Variants in PHF12 observed in about 807,000 individuals in gnomAD.
PHF12 encodes PHD factor 1.
PHF12 carries 6 observed loss-of-function variants against 99.8 expected under a neutral mutation model. The observed-to-expected ratio is 0.06, with a 90% CI of 0.03 to 0.12. The LOEUF is 0.12. Ranked by LOEUF, PHF12 falls within the 10% of genes least tolerant of loss-of-function variation. The pLI, the probability that PHF12 is intolerant of heterozygous loss-of-function variation, is 1.00. For missense variants in PHF12, 954 were observed against 1,300.1 expected, an observed-to-expected ratio of 0.73 and a Z score of 4.09; for synonymous variants, 480 against 514.9, an observed-to-expected ratio of 0.93 and a Z score of 0.92.
chr17:28,949,034 C>G lies in PHF12; in HGVS notation c.248+1031G>C, dbSNP rs973418192. Among the ~76,000 whole-genome samples the G allele has an allele frequency of 1.3e-5, 2 of 152,082 alleles. No individual in the cohort carries two copies. The highest frequency in any genetic ancestry group is 6.5e-5 in the Admixed American group (1 of 15,272). ...TGGGCTGAGCCGCTGAGGAGGATCA[C>G]GCAGCGGGCGATCAACTCAGGTCCC... On this transcript the variant is annotated intron_variant, in intron 2 of 14. Coordinates refer to ENST00000332830, the MANE Select transcript of PHF12 (RefSeq NM_001033561.2). The surrounding 1 kb of genome is among the most constrained non-coding windows in gnomAD (Gnocchi z 4.6).
At chr17:28,942,516 C>T (rs2040636621) in intron 2 of PHF12, among the ~76,000 whole-genome samples, 2 of 151,916 alleles carry the variant, frequency 1.3e-5, no homozygotes, top group South Asian at 2.1e-4. Context: ...CAAGACTCTG[C>T]CTCTAAAAAT....
In PHF12 at chr17:28,905,517, A is replaced by G. The variant is rs2039857576; in HGVS notation, c.*666T>C. On this transcript the variant is annotated 3_prime_UTR_variant, in exon 15 of 15. Coordinates refer to ENST00000332830, the MANE Select transcript of PHF12 (RefSeq NM_001033561.2). ...TACACGGTTTTTAAAAACATTGAAA[A>G]AATGTCATCACTAGATGTATTTACA... is the stretch of plus-strand genomic sequence containing the variant. 6.6e-6 allele frequency: 1 copy of G among 152,586 alleles called. No homozygotes were observed. Among genetic ancestry groups the G allele is most frequent in the South Asian group, 2.1e-4 (1 of 4,838 alleles). The allele number at this position is 152,586 out of a possible 1,614,324, so 9.5% of individuals were successfully genotyped here.
At chr17:28,907,536 TG>T in intron 13 of PHF12, 53 bp downstream of exon 13, 1 of 1,571,898 alleles carries the variant, frequency 6.4e-7, no homozygotes, top group Non-Finnish European at 8.7e-7. Context: ...ACCTACTGCC[TG>T]GGAGAGGCCT....
intron 2 of PHF12, among the ~76,000 whole-genome samples, chr17:28,941,705 G>A (rs2040619766): frequency 6.6e-6 from 1 of 152,072 alleles, no homozygotes; most frequent in African/African-American, 2.4e-5. Context: ...CCGGGTTCAA[G>A]CGATTCTCCT....
chr17:28,916,004 T>G (rs1209003310), intron 7 of PHF12, among the ~76,000 whole-genome samples: 1 of 152,240 alleles, frequency 6.6e-6, no homozygotes, highest in Non-Finnish European at 1.5e-5. Context: ...TGGATTACTT[T>G]TAGATCTGTT....
At chr17:28,923,674 A>AAAAAAAAAAAAAAAAAAC (rs1378498022) in intron 4 of PHF12, among the ~76,000 whole-genome samples, 1 of 148,326 alleles carries the variant, frequency 6.7e-6, no homozygotes, top group Non-Finnish European at 1.5e-5. Flanking sequence ...AAAAAAAAAA[A>AAAAAAAAAAAAAAAAAAC]AGGAAAAAGA....
At chr17:28,911,349 T>C in intron 9 of PHF12, 112 bp from the exon 10 acceptor site, 6 of 1,435,380 alleles carry the variant, frequency 4.2e-6, no homozygotes, top group Non-Finnish European at 5.7e-6. Context: ...TGTTCCCTTC[T>C]TGATTCTCAA....
chr17:28,916,104 T>A (rs1022770869), intron 7 of PHF12, among the ~76,000 whole-genome samples: 7 of 152,262 alleles, frequency 4.6e-5, no homozygotes, highest in African/African-American at 1.7e-4. Flanking sequence ...CACTGATGTA[T>A]AAATATTTGC....
At chr17:28,939,895 CAG>C (rs1482308522) in intron 2 of PHF12, among the ~76,000 whole-genome samples, 6 of 152,178 alleles carry the variant, frequency 3.9e-5, no homozygotes, top group East Asian at 1.9e-4. Context: ...TCAAACCCTG[CAG>C]AGAGTCCTCT....
At position 28,951,325 on chromosome 17, in the gene PHF12, T is replaced by C. The variant is rs1422274030; in HGVS notation, c.-365A>G. On this transcript the variant is annotated 5_prime_UTR_variant, in exon 1 of 15. Transcript: ENST00000332830. ...CGCTGCCATCCCGGGGCTGGGGGTATCGGAGGGGGGGTGAGAGGTTACGTG... is the reference window on the plus strand; with the variant it reads ...CGCTGCCATCCCGGGGCTGGGGGTACCGGAGGGGGGGTGAGAGGTTACGTG... 6.8e-5 allele frequency: 72 copies of C among 1,052,806 alleles called. No individual in the cohort carries two copies. Among genetic ancestry groups the C allele is most frequent in the Non-Finnish European group, 8.0e-5 (70 of 871,220 alleles). The allele number at this position is 1,052,806 out of a possible 1,614,324, so 65.2% of individuals were successfully genotyped here. A position where few individuals can be genotyped will look rare whatever the true frequency, so the allele number is the denominator to read the frequency against.
At chr17:28,914,490 G>A (rs972484734) in intron 7 of PHF12, among the ~76,000 whole-genome samples, 4 of 151,906 alleles carry the variant, frequency 2.6e-5, no homozygotes, top group Admixed American at 6.6e-5. Flanking sequence ...GGCTAACATG[G>A]TGAAACCCCA....
Position 28,906,334 on chromosome 17 carries a change from A to G in PHF12, c.2864T>C (p.Leu955Pro). ...ALLHHGSYIK[L>P]GCLQFVFSIT... The stretch of plus-strand genomic sequence containing the variant: ...GCTGAAGACAAACTGCAGGCAGCCC[A>G]GCTTGATGTAGCTGCCATGGTGCAG... The change falls in exon 15 of 15, where the codon CTG becomes CCG. Residue 955 changes from leucine (L) to proline (P), a missense_variant. Coordinates refer to ENST00000332830, the MANE Select transcript of PHF12 (RefSeq NM_001033561.2). This position sits in a 1 kb window ranked among gnomAD's most constrained non-coding sequence, Gnocchi z 4.2. The G allele has an allele frequency of 6.2e-7, 1 of 1,614,214 alleles. No homozygotes were observed.
chr17:28,937,992 G>C (rs751043675), intron 2 of PHF12, among the ~76,000 whole-genome samples: 5 of 152,168 alleles, frequency 3.3e-5, no homozygotes, highest in Non-Finnish European at 7.3e-5. Context: ...ACCAACAACT[G>C]CCAACTCTGT....
intron 7 of PHF12, among the ~76,000 whole-genome samples, chr17:28,916,920 C>A (rs920214889): frequency 6.6e-6 from 1 of 152,228 alleles, no homozygotes; most frequent in Admixed American, 6.5e-5. Context: ...TCTGCTTAAT[C>A]ATCCCCACCT....
At chr17:28,937,073 A>C (rs1373694527) in intron 2 of PHF12, among the ~76,000 whole-genome samples, 1 of 152,214 alleles carries the variant, frequency 6.6e-6, no homozygotes, top group Non-Finnish European at 1.5e-5. Context: ...GCCTTTTATA[A>C]ACGAAAACAA....
chr17:28,912,158 T>G, intron 9 of PHF12: 1 of 1,148,894 alleles, frequency 8.7e-7, no homozygotes, highest in Non-Finnish European at 1.1e-6. Context: ...TCTTTTAAGG[T>G]GACAGAACAA....
intron 4 of PHF12, 60 bp downstream of exon 4, chr17:28,923,849 T>C: frequency 6.5e-7 from 1 of 1,531,926 alleles, no homozygotes; most frequent in South Asian, 1.3e-5. Context: ...AGCACTGCTC[T>C]TGTGCTGGTC....
rs539806564 is a variant in PHF12 at position 28,939,805 on chromosome 17, A to G, written c.248+10260T>C. ...CAAACAGGGGTCCACCTGGAACTCA[A>G]GCTTGCTAGTAATTCTGAGAGGTTC... On this transcript the variant is annotated intron_variant, in intron 2 of 14. Transcript: ENST00000332830. Among the ~76,000 whole-genome samples, 5 of 152,364 alleles carry G rather than the reference A, an allele frequency of 3.3e-5. 1 individual carries two copies. In the South Asian group the frequency reaches 1.0e-3, roughly 32 times the overall value.
intron 2 of PHF12, among the ~76,000 whole-genome samples, chr17:28,936,204 A>T (rs951138424): frequency 6.6e-5 from 10 of 152,200 alleles, no homozygotes; most frequent in African/African-American, 2.4e-4. Context: ...AACCTGCACG[A>T]CATTAACATT....
Sources: allele counts gnomAD v4.1 joint callset (sites outside exome capture counted in the v4.1 genomes callset), GRCh38; gene constraint gnomAD v4.1.1; non-coding constraint Gnocchi (gnomAD v3.1); transcripts MANE v1.5; gene names NCBI Gene and HGNC (gene_info 2026-07-23, HGNC 2026-07-21).